The following ATM variants were observed in gnomAD, a reference collection of about 807,000 sequenced individuals.
The protein encoded by ATM is serine-protein kinase ATM.
Under a neutral mutation model 387.0 loss-of-function variants are expected in ATM, and 308 were observed. The ratio of observed to expected loss-of-function variants is 0.80; its 90% CI spans 0.73 to 0.87. The LOEUF (loss-of-function observed/expected upper bound fraction) is 0.87. Among genes scored for constraint, ATM ranks in the 40% least tolerant of loss-of-function variants. The pLI is 0.00. For synonymous variants in ATM, 1,156 were observed against 1,187.3 expected, an observed-to-expected ratio of 0.97 and a Z score of 0.54; for missense variants, 3,312 against 3,560.9, an observed-to-expected ratio of 0.93 and a Z score of 1.78.
intron 61 of ATM, among the ~76,000 whole-genome samples, chr11:108,363,284 G>T (rs912127995): frequency 3.9e-5 from 6 of 152,092 alleles, no homozygotes; most frequent in Admixed American, 1.3e-4. Context: ...TTTCTGAACT[G>T]ATCTCCCCGC....
At position 108,252,851 on chromosome 11, in the gene ATM, G is replaced by A. The variant is rs200124136; in HGVS notation, c.1837G>A (p.Val613Met). ...FPHLVLEKILVSLTMKNCKAA... is the reference protein window; with the variant it reads ...FPHLVLEKILMSLTMKNCKAA... ...TCATCTTGTACTGGAGAAAATTCTT[G>A]TGAGTCTCACTATGAAAAACTGTAA... is the stretch of plus-strand genomic sequence containing the variant. The change falls in exon 12 of 63, where the codon GTG (valine) becomes ATG (methionine). Residue 613 changes from valine (V) to methionine (M), a missense_variant. Coordinates refer to ENST00000675843, the MANE Select transcript of ATM (RefSeq NM_000051.4). 6.2e-7 allele frequency: 1 copy of A among 1,612,934 alleles called. No homozygotes were observed. The highest frequency in any genetic ancestry group is 1.1e-5 in the South Asian group (1 of 91,030).
chr11:108,244,320 G>A (rs1352470750), intron 6 of ATM, among the ~76,000 whole-genome samples: 1 of 152,102 alleles, frequency 6.6e-6, no homozygotes, highest in East Asian at 1.9e-4. Flanking sequence ...AAGTTTTCAA[G>A]GGGGAGATGT....
intron 50 of ATM, chr11:108,331,165 C>A: frequency 8.9e-7 from 1 of 1,123,478 alleles, no homozygotes; most frequent in Non-Finnish European, 1.1e-6. Context: ...ATTTGTCTTC[C>A]TTAGATTTTT....
At position 108,282,933 on chromosome 11, in the gene ATM, A is replaced by G. The variant is rs1310382022; in HGVS notation, c.3746+54A>G. ...TTGTTTAATTTAAAATTAGTTAACA[A>G]TACTTAGCAAGTCCCCTCACCAGCA... On this transcript the variant is annotated intron_variant, in intron 25 of 62. Coordinates refer to ENST00000675843, the MANE Select transcript of ATM (RefSeq NM_000051.4). 3.3e-6 allele frequency: 4 copies of G among 1,220,508 alleles called. No individual in the cohort carries two copies. The African/African-American group carries it at 6.1e-5, about 19-fold the overall frequency. The allele number at this position is 1,220,508 out of a possible 1,614,324, so 75.6% of individuals were successfully genotyped here.
intron 13 of ATM, among the ~76,000 whole-genome samples, chr11:108,255,414 T>C (rs571754911): frequency 9.3e-4 from 133 of 143,062 alleles, no homozygotes; most frequent in Middle Eastern, 3.5e-3. Context: ...TCTATAAAAT[T>C]GTCTAAACTT....
In ATM at chr11:108,331,576, C is replaced by G; in HGVS notation, c.7629+19C>G. The G allele has an allele frequency of 1.3e-6, 2 of 1,595,648 alleles. No individual in the cohort carries two copies. The highest frequency in any genetic ancestry group is 1.7e-6 in the Non-Finnish European group (2 of 1,171,552). ...CAATAATGTAAGTAAACCTGAAAAT[C>G]AAACCACAATAATTATTTTTATTCT... On this transcript the variant is annotated intron_variant, in intron 51 of 62. Coordinates refer to ENST00000675843, the MANE Select transcript of ATM (RefSeq NM_000051.4).
intron 13 of ATM, among the ~76,000 whole-genome samples, chr11:108,254,475 C>G (rs1378967720): frequency 6.6e-6 from 1 of 152,150 alleles, no homozygotes; most frequent in East Asian, 1.9e-4. Flanking sequence ...TTTTAGACGT[C>G]ATCTAGGAAT....
At chr11:108,258,471 A>G (rs4987962) in intron 15 of ATM, among the ~76,000 whole-genome samples, 5 of 152,220 alleles carry the variant, frequency 3.3e-5, no homozygotes, top group Admixed American at 2.0e-4. Flanking sequence ...ACTCCAGCAC[A>G]TAGTTTACTT....
At chr11:108,324,793 G>C (rs1000857829) in intron 45 of ATM, among the ~76,000 whole-genome samples, 1 of 152,148 alleles carries the variant, frequency 6.6e-6, no homozygotes, top group Non-Finnish European at 1.5e-5. Context: ...TGCCTTTTCT[G>C]TTCCTTTAAT....
rs192289427 is a variant in ATM, at chr11:108,354,030, A to T, written c.8786+150A>T. 1,294 of 678,544 alleles carry T rather than the reference A, an allele frequency of 1.9e-3. 8 individuals carry two copies. Among genetic ancestry groups the T allele is most frequent in the Middle Eastern group, 3.5e-3 (12 of 3,474 alleles). The allele number at this position is 678,544 out of a possible 1,614,324, so 42.0% of individuals were successfully genotyped here. ...CAGGAGTTTGAGTCCAGCCTAGGCAATACAGCAAGACCCTGTATCTAAAAA... is the reference window on the plus strand; with the variant it reads ...CAGGAGTTTGAGTCCAGCCTAGGCATTACAGCAAGACCCTGTATCTAAAAA... On this transcript the variant is annotated intron_variant, in intron 60 of 62. Coordinates refer to ENST00000675843, the MANE Select transcript of ATM (RefSeq NM_000051.4).
intron 38 of ATM, chr11:108,309,110 A>C: frequency 8.6e-7 from 1 of 1,163,208 alleles, no homozygotes; most frequent in Non-Finnish European, 1.2e-6. Context: ...AAACGGGTAA[A>C]GACATGCATT....
intron 18 of ATM, among the ~76,000 whole-genome samples, chr11:108,269,399 G>A (rs1204225516): frequency 2.0e-5 from 3 of 151,872 alleles, no homozygotes; most frequent in Non-Finnish European, 4.4e-5. Context: ...TTCCTCTTCT[G>A]CCTTCACCCT....
At chr11:108,296,912 G>A (rs1325408029) in intron 32 of ATM, 1 of 289,756 alleles carries the variant, frequency 3.5e-6, no homozygotes, top group African/African-American at 2.2e-5. Context: ...AGTTCTGTGG[G>A]ACAGTGCTGG....
intron 59 of ATM, among the ~76,000 whole-genome samples, chr11:108,350,372 A>C (rs419716): frequency 0.53 from 79,896 of 151,894 alleles, 21,832 homozygotes; most frequent in Middle Eastern, 0.73. Context: ...TAGAAATCTC[A>C]GTCAAATTTG....
At chr11:108,308,291 T>C (rs1264121952) in intron 38 of ATM, among the ~76,000 whole-genome samples, 2 of 152,210 alleles carry the variant, frequency 1.3e-5, no homozygotes, top group Non-Finnish European at 2.9e-5. Flanking sequence ...TTTTCCAAGT[T>C]ACATTTAGCT....
chr11:108,276,283 C>T (rs893318134), intron 22 of ATM, among the ~76,000 whole-genome samples: 1 of 152,154 alleles, frequency 6.6e-6, no homozygotes, highest in Admixed American at 6.5e-5. Context: ...AGGTTCTTAG[C>T]TTCCTTGCAT....
intron 13 of ATM, among the ~76,000 whole-genome samples, chr11:108,254,624 C>T (rs559722310): frequency 6.6e-6 from 1 of 152,270 alleles, no homozygotes; most frequent in Non-Finnish European, 1.5e-5. Context: ...CTTGCTAACG[C>T]CTTTCTTAGA....
intron 26 of ATM, among the ~76,000 whole-genome samples, chr11:108,285,341 TGTATCTCTAATATATTTTGA>T (rs2082439439): frequency 2.0e-5 from 3 of 151,604 alleles, no homozygotes; most frequent in African/African-American, 7.3e-5. Flanking sequence ...TTTTGGCTGA[TGTATCTCTAATATATTTTGA>T]GTATTCATTA....
At chr11:108,334,026 C>T in intron 54 of ATM, 58 bp downstream of exon 54, 2 of 1,340,640 alleles carry the variant, frequency 1.5e-6, no homozygotes, top group East Asian at 2.3e-5. Context: ...TTAGATTGAA[C>T]CATTTGAAAT....
Sources: allele counts gnomAD v4.1 joint callset (sites outside exome capture counted in the v4.1 genomes callset), GRCh38; gene constraint gnomAD v4.1.1; transcripts MANE v1.5; gene names NCBI Gene and HGNC (gene_info 2026-07-23, HGNC 2026-07-21).